Variants in CERT1 observed in about 807,000 individuals in gnomAD.
CERT1 encodes the protein ceramide transfer protein.
In CERT1, 31 loss-of-function variants were observed where a neutral mutation model predicts 87.9. The ratio of observed to expected loss-of-function variants is 0.35; its 90% CI spans 0.27 to 0.48. The LOEUF (loss-of-function observed/expected upper bound fraction) is 0.48. CERT1 is among the 20% of genes least tolerant of loss of function. CERT1 has a pLI of 0.99. For synonymous variants in CERT1, 289 were observed against 250.9 expected, an observed-to-expected ratio of 1.15 and a Z score of -1.44; for missense variants, 487 against 758.0, an observed-to-expected ratio of 0.64 and a Z score of 4.20.
intron 1 of CERT1, among the ~76,000 whole-genome samples, chr5:75,507,349 G>A (rs1767697231): frequency 6.6e-6 from 1 of 152,066 alleles, no homozygotes; most frequent in African/African-American, 2.4e-5. Context: ...GGGCTCAAGC[G>A]ATCTGTCTTC....
chr5:75,483,355 A>G (rs192580566), intron 2 of CERT1, among the ~76,000 whole-genome samples: 15 of 152,288 alleles, frequency 9.8e-5, no homozygotes, highest in Admixed American at 9.2e-4. Context: ...AAAAAAGAAT[A>G]AAGAATGTAG....
intron 4 of CERT1, 120 bp from the exon 5 acceptor site, chr5:75,425,619 G>C (rs748808284): frequency 4.5e-6 from 4 of 888,694 alleles, no homozygotes; most frequent in Admixed American, 2.5e-5. Flanking sequence ...ATGGGATAAG[G>C]AGAGCTGTCT....
intron 8 of CERT1, among the ~76,000 whole-genome samples, chr5:75,409,513 C>T (rs530242208): frequency 1.3e-5 from 2 of 152,204 alleles, no homozygotes; most frequent in Admixed American, 1.3e-4. Flanking sequence ...TTTTAAACTG[C>T]TCATTTCAGA....
At chr5:75,476,176 G>C (rs1161767841) in intron 2 of CERT1, among the ~76,000 whole-genome samples, 2 of 152,126 alleles carry the variant, frequency 1.3e-5, no homozygotes, top group Non-Finnish European at 2.9e-5. Flanking sequence ...ACAAGCTTTA[G>C]ATAATCTGGC....
At chr5:75,382,175 T>A in intron 14 of CERT1, 98 bp from the exon 15 acceptor site, 1 of 1,148,532 alleles carries the variant, frequency 8.7e-7, no homozygotes, top group South Asian at 1.6e-5. Flanking sequence ...GTAAAATCTC[T>A]CAAATTTTAA....
chr5:75,459,006 G>T, intron 3 of CERT1, 59 bp downstream of exon 3: 5 of 889,612 alleles, frequency 5.6e-6, no homozygotes, highest in South Asian at 1.5e-5. Context: ...TTTTTTTAAG[G>T]TATTGTCAAC....
intron 11 of CERT1, among the ~76,000 whole-genome samples, chr5:75,392,193 T>C (rs1762051494): frequency 6.6e-6 from 1 of 152,216 alleles, no homozygotes; most frequent in Admixed American, 6.5e-5. Context: ...CATTTAACAT[T>C]GTCTTTCTAG....
chr5:75,430,895 G>A (rs1055109927), intron 3 of CERT1, among the ~76,000 whole-genome samples: 4 of 152,098 alleles, frequency 2.6e-5, no homozygotes, highest in Non-Finnish European at 4.4e-5. Context: ...TTAAAAGTTA[G>A]TGGGGCATTG....
At chr5:75,484,253 G>A (rs1766394155) in intron 2 of CERT1, among the ~76,000 whole-genome samples, 2 of 145,456 alleles carry the variant, frequency 1.4e-5, no homozygotes, top group South Asian at 4.4e-4. Context: ...CAGACAAAAA[G>A]CAAAAAATTA....
At chr5:75,417,281 C>T (rs1349184585) in intron 6 of CERT1, among the ~76,000 whole-genome samples, 2 of 152,042 alleles carry the variant, frequency 1.3e-5, no homozygotes, top group South Asian at 2.1e-4. Flanking sequence ...TGCTGTGCTG[C>T]ACCCAATTAA....
At chr5:75,455,968 G>C (rs1764964743) in intron 3 of CERT1, among the ~76,000 whole-genome samples, 1 of 152,124 alleles carries the variant, frequency 6.6e-6, no homozygotes, top group Admixed American at 6.6e-5. Flanking sequence ...TTAGTACTTG[G>C]TGATCCTCAA....
intron 3 of CERT1, among the ~76,000 whole-genome samples, chr5:75,437,341 G>A (rs1764139287): frequency 6.6e-6 from 1 of 152,114 alleles, no homozygotes; most frequent in Non-Finnish European, 1.5e-5. Flanking sequence ...CAGCAAAATC[G>A]ATGCAACACA....
intron 2 of CERT1, among the ~76,000 whole-genome samples, chr5:75,502,312 G>C (rs369810367): frequency 1.3e-5 from 2 of 152,060 alleles, no homozygotes; most frequent in African/African-American, 2.4e-5. Context: ...CTCAATACTT[G>C]CGGGTAAGGA....
chr5:75,493,961 T>C (rs1766933683), intron 2 of CERT1, among the ~76,000 whole-genome samples: 2 of 152,208 alleles, frequency 1.3e-5, no homozygotes, highest in Non-Finnish European at 2.9e-5. Context: ...GAGCTCTTTT[T>C]TAACCTCTTC....
chr5:75,511,317 C>A lies in CERT1; in HGVS notation c.-110G>T. On this transcript the variant is annotated 5_prime_UTR_variant, in exon 1 of 17. Transcript: ENST00000643780. ...GGGGGATGGCGAAGCGAAGAGTGCC[C>A]GCTCCGGTGTGGGGGGGAGCAGGAG... 2 of 1,549,436 alleles carry A rather than the reference C, an allele frequency of 1.3e-6. No homozygotes were observed. Among genetic ancestry groups the A allele is most frequent in the Non-Finnish European group, 1.7e-6 (2 of 1,147,008 alleles).
rs140975836 is a variant in CERT1, at chr5:75,383,741, T to A, written c.1488+901A>T. Among the ~76,000 whole-genome samples, 64 of 152,284 alleles carry A rather than the reference T, an allele frequency of 4.2e-4. No individual in the cohort carries two copies. The East Asian group carries it at 0.011, about 26-fold the overall frequency. ...AAAGAAAAATGAAGCACTCACTGAATTGGAAAAACAAAGTACCTATTAAAT... is the reference window on the plus strand; with the variant it reads ...AAAGAAAAATGAAGCACTCACTGAAATGGAAAAACAAAGTACCTATTAAAT... On this transcript the variant is annotated intron_variant, in intron 14 of 16. Transcript: ENST00000643780.
chr5:75,457,493 A>T (rs1472311647), intron 3 of CERT1, among the ~76,000 whole-genome samples: 2 of 152,180 alleles, frequency 1.3e-5, no homozygotes, highest in Non-Finnish European at 2.9e-5. Flanking sequence ...TAGAAAAACA[A>T]TAATTTTTTT....
In CERT1 at chr5:75,423,504, T is replaced by G. The variant is rs531008383; in HGVS notation, c.595+1857A>C. Among the ~76,000 whole-genome samples the G allele has an allele frequency of 6.6e-5, 10 of 152,276 alleles. No individual in the cohort carries two copies. In the South Asian group the frequency reaches 1.0e-3, roughly 16 times the overall value. ...CCTGTAATTCTAGTACTTTGGGCAG[T>G]TGAGGTGGGAGAATCCCTTGAGGCC... On this transcript the variant is annotated intron_variant, in intron 5 of 16. Transcript: ENST00000643780.
intron 9 of CERT1, chr5:75,400,622 T>G (rs1276966153): frequency 4.8e-6 from 1 of 207,456 alleles, no homozygotes; most frequent in South Asian, 1.5e-4. Flanking sequence ...AATTCTCTCC[T>G]ATCCAAACCC....
Sources: gnomAD v4.1 joint callset for allele counts (sites outside exome capture counted in the v4.1 genomes callset) on GRCh38, gnomAD v4.1.1 for gene constraint, MANE v1.5 for transcripts, NCBI Gene and HGNC (gene_info 2026-07-23, HGNC 2026-07-21) for gene names.